The following CWC22 variants were observed in gnomAD, a reference collection of about 807,000 sequenced individuals.
CWC22 encodes the protein CWC22 spliceosome associated protein.
A neutral mutation model predicts 117.2 loss-of-function variants in CWC22; 53 were observed. The ratio of observed to expected loss-of-function variants is 0.45; its 90% CI spans 0.36 to 0.57. The LOEUF is 0.57. Among genes scored for constraint, CWC22 ranks in the 20% least tolerant of loss-of-function variants. The pLI, the probability that CWC22 is intolerant of heterozygous loss-of-function variation, is 0.00. For synonymous variants in CWC22, 360 were observed against 355.6 expected (o/e 1.01, Z -0.14); for missense variants, 980 against 1,068.8 (o/e 0.92, Z 1.16).
At position 179,950,529 on chromosome 2, in the gene CWC22, C is replaced by A. The variant is rs374782632; in HGVS notation, c.2123G>T (p.Ser708Ile). ...TTCAATACCTGAGGCAGAGCTATGA[C>A]TACTGATGGATGAAGAGTCGCTCTC... ...SEESDSSSISSHSSASANDVR... is the reference protein window; with the variant it reads ...SEESDSSSISIHSSASANDVR... The change falls in exon 19 of 20, where the codon AGT (serine) becomes ATT (isoleucine). Residue 708 changes from serine to isoleucine, a missense_variant. This residue lies in a region of CWC22 where 306 missense variants were observed against 296.8 expected (regional missense o/e 1.03). Transcript: ENST00000410053. The A allele has an allele frequency of 6.2e-7, 1 of 1,610,174 alleles. No individual in the cohort carries two copies. The highest frequency in any genetic ancestry group is 8.5e-7 in the Non-Finnish European group (1 of 1,177,344).
chr2:180,005,774 A>T (rs951304027), intron 1 of CWC22, among the ~76,000 whole-genome samples: 4 of 152,194 alleles, frequency 2.6e-5, no homozygotes, highest in African/African-American at 9.7e-5. Flanking sequence ...ATACTCAAAA[A>T]AAGACAATAC....
At chr2:179,981,657 C>T (rs575733338) in intron 5 of CWC22, 95 bp downstream of exon 5, 75 of 1,025,884 alleles carry the variant, frequency 7.3e-5, no homozygotes, top group South Asian at 5.0e-4. Flanking sequence ...TATAGACTAA[C>T]GTAAATTCTC....
chr2:179,986,779 CG>C lies in CWC22; in HGVS notation c.121del (p.Arg41GlyfsTer63). On this transcript the variant is annotated frameshift_variant, in exon 4 of 20. Transcript: ENST00000410053. LOFTEE classifies it high-confidence loss of function. ...DRYEEQERSP[R>X]DRDYFDYSRS... is the part of the protein sequence containing the mutation. ...GCTGTAATCAAAGTAATCTCTATCCCGGGGGGATCGTTCTTGTTCTTCATAT... is the reference window on the plus strand; with the variant it reads ...GCTGTAATCAAAGTAATCTCTATCCCGGGGGATCGTTCTTGTTCTTCATAT... 3 of 1,595,488 alleles carry C rather than the reference CG, an allele frequency of 1.9e-6. No individual in the cohort carries two copies. The highest frequency in any genetic ancestry group is 1.7e-6 in the Non-Finnish European group (2 of 1,171,886).
At chr2:179,990,536 G>A (rs1307833459) in intron 2 of CWC22, among the ~76,000 whole-genome samples, 2 of 105,074 alleles carry the variant, frequency 1.9e-5, no homozygotes, top group African/African-American at 7.6e-5. Context: ...GAGTGAGTGA[G>A]TGAGACAGAC....
intron 1 of CWC22, among the ~76,000 whole-genome samples, chr2:179,998,003 T>C (rs1275491611): frequency 2.0e-5 from 3 of 152,166 alleles, no homozygotes; most frequent in South Asian, 2.1e-4. Flanking sequence ...TGTACATATA[T>C]TGGGGCCCAC....
At chr2:179,950,783 T>G (rs749192115) in intron 18 of CWC22, 42 bp downstream of exon 18, 1 of 1,600,206 alleles carries the variant, frequency 6.2e-7, no homozygotes, top group Non-Finnish European at 8.6e-7. Context: ...AATTATGAGA[T>G]AATTTTATAA....
intron 1 of CWC22, among the ~76,000 whole-genome samples, chr2:179,996,940 G>C (rs991250387): frequency 2.6e-5 from 4 of 151,544 alleles, no homozygotes; most frequent in Non-Finnish European, 5.9e-5. Flanking sequence ...AAGAAACTAA[G>C]AGAATTTATC....
intron 2 of CWC22, among the ~76,000 whole-genome samples, chr2:179,992,545 T>G (rs7582891): frequency 1 from 151,744 of 152,272 alleles, 75,611 homozygotes; most frequent in Middle Eastern, 1. Flanking sequence ...CCCCTACCCT[T>G]TTCTACTTCT....
chr2:179,947,042 A>G (rs1301372277), intron 19 of CWC22, among the ~76,000 whole-genome samples: 4 of 152,218 alleles, frequency 2.6e-5, no homozygotes, highest in African/African-American at 7.2e-5. Context: ...AAACTTAATC[A>G]GTTTATCTGT....
chr2:179,955,134 G>C lies in CWC22; in HGVS notation c.1459-100C>G, dbSNP rs113233144. ...AGTGACTGCCTGCATTTTTAAATAA[G>C]GGTTTAAAACAGTTCAAAAATTTTG... On this transcript the variant is annotated intron_variant, in intron 14 of 19. Transcript: ENST00000410053. 9.3e-4 allele frequency: 819 copies of C among 878,682 alleles called. 2 individuals are homozygous for C. Among genetic ancestry groups the C allele is most frequent in the Non-Finnish European group, 1.2e-3 (688 of 557,982 alleles). The allele number at this position is 878,682 out of a possible 1,614,324, so 54.4% of individuals were successfully genotyped here.
chr2:179,964,398 T>G, intron 13 of CWC22, 149 bp downstream of exon 13: 1 of 486,714 alleles, frequency 2.1e-6, no homozygotes, highest in Non-Finnish European at 3.6e-6. Context: ...AAAGGTACTA[T>G]GAGCTTGGGC....
At chr2:179,947,038 A>C (rs1416866902) in intron 19 of CWC22, among the ~76,000 whole-genome samples, 1 of 152,228 alleles carries the variant, frequency 6.6e-6, no homozygotes, top group East Asian at 1.9e-4. Context: ...AAACAAACTT[A>C]ATCAGTTTAT....
At chr2:179,973,385 A>T (rs1203261844) in intron 7 of CWC22, 139 bp from the exon 8 acceptor site, 1 of 686,890 alleles carries the variant, frequency 1.5e-6, no homozygotes, top group Non-Finnish European at 2.5e-6. Flanking sequence ...AAAGTTACAA[A>T]ATAAAACACA....
chr2:179,961,517 C>T (rs766377411), intron 13 of CWC22, among the ~76,000 whole-genome samples: 17 of 152,016 alleles, frequency 1.1e-4, no homozygotes, highest in African/African-American at 2.7e-4. Context: ...AAATACTAAA[C>T]GGTAATTGAT....
chr2:179,963,922 C>T (rs1370354588), intron 13 of CWC22, among the ~76,000 whole-genome samples: 1 of 152,178 alleles, frequency 6.6e-6, no homozygotes, highest in East Asian at 1.9e-4. Flanking sequence ...GGTTGATTCA[C>T]ATACAAACTA....
intron 4 of CWC22, among the ~76,000 whole-genome samples, chr2:179,986,389 G>A (rs142157948): frequency 1.1e-3 from 160 of 152,204 alleles, no homozygotes; most frequent in African/African-American, 3.7e-3. Context: ...ACAATACAAT[G>A]AATGAGCTTG....
intron 19 of CWC22, among the ~76,000 whole-genome samples, chr2:179,947,010 T>C (rs1686324363): frequency 6.6e-6 from 1 of 152,174 alleles, no homozygotes; most frequent in Non-Finnish European, 1.5e-5. Flanking sequence ...TATACTGAAA[T>C]AACCACTTTA....
At chr2:179,947,399 T>C (rs1424673716) in intron 19 of CWC22, among the ~76,000 whole-genome samples, 1 of 152,224 alleles carries the variant, frequency 6.6e-6, no homozygotes, top group South Asian at 2.1e-4. Context: ...AACCCAGCCA[T>C]GTAACAAGAG....
chr2:179,964,577 C>T lies in CWC22; in HGVS notation c.1367G>A (p.Arg456His), dbSNP rs922315758. ...DKTEINLVSF[R>H]RTIYLAIQSS... is the part of the protein sequence containing the mutation. ...CTGAATAGCAAGATAAATTGTACGACGAAATGAGACCAGGTTAATTTCTGT... is the reference window on the plus strand; with the variant it reads ...CTGAATAGCAAGATAAATTGTACGATGAAATGAGACCAGGTTAATTTCTGT... Residue 456 changes from arginine (R) to histidine (H), a missense_variant, in exon 13 of 20, where the codon CGT (arginine) becomes CAT (histidine). Physicochemically the swap from Arg to His is conservative, Grantham distance 29. Coordinates refer to ENST00000410053, the MANE Select transcript of CWC22 (RefSeq NM_020943.3). 14 of 1,569,634 alleles carry T rather than the reference C, an allele frequency of 8.9e-6. No homozygotes were observed. The Admixed American group carries it at 1.1e-4, about 12-fold the overall frequency.
Sources: allele counts gnomAD v4.1 joint callset (sites outside exome capture counted in the v4.1 genomes callset), GRCh38; gene constraint gnomAD v4.1.1; regional missense constraint gnomAD v4.1.1; transcripts MANE v1.5; gene names NCBI Gene and HGNC (gene_info 2026-07-23, HGNC 2026-07-21).